Variants in GPC3 observed in about 807,000 individuals in gnomAD.
The protein encoded by GPC3 is glypican 3, also known as glypican-3.
In GPC3, 3 loss-of-function variants were observed where a neutral mutation model predicts 34.4. The ratio of observed to expected loss-of-function variants is 0.09; its 90% CI spans 0.04 to 0.23. GPC3 has a LOEUF of 0.23. Among genes scored for constraint, GPC3 ranks in the 10% least tolerant of loss-of-function variants. The pLI, the probability that GPC3 is intolerant of heterozygous loss-of-function variation, is 1.00. For synonymous variants in GPC3, 177 were observed against 174.0 expected, an observed-to-expected ratio of 1.02 and a Z score of -0.13; for missense variants, 351 against 445.6, an observed-to-expected ratio of 0.79 and a Z score of 1.91.
At chrX:133,539,694 T>C (rs896879698) in intron 7 of GPC3, among the ~76,000 whole-genome samples, 8 of 112,258 alleles carry the variant, frequency 7.1e-5, no homozygotes, top group Non-Finnish European at 5.6e-5. Flanking sequence ...GCTGCAGGTT[T>C]CCTGAGGCTC....
intron 2 of GPC3, among the ~76,000 whole-genome samples, chrX:133,910,132 C>A (rs1216113695): frequency 1.8e-5 from 2 of 110,909 alleles, no homozygotes; most frequent in Admixed American, 1.9e-4. Flanking sequence ...ATCCATGACA[C>A]CCATTCCATT....
chrX:133,803,697 A>G (rs1243151618), intron 2 of GPC3, among the ~76,000 whole-genome samples: 1 of 111,551 alleles, frequency 9.0e-6, no homozygotes, highest in Non-Finnish European at 1.9e-5. Context: ...CCAAAAGTCA[A>G]CCTCAAATAG....
At chrX:133,609,667 A>G (rs2070088683) in intron 6 of GPC3, among the ~76,000 whole-genome samples, 1 of 112,264 alleles carries the variant, frequency 8.9e-6, no homozygotes, top group African/African-American at 3.2e-5. Context: ...AGATTCTCTC[A>G]ATTTTAGCTT....
intron 2 of GPC3, among the ~76,000 whole-genome samples, chrX:133,872,370 C>T (rs1319294736): frequency 9.0e-6 from 1 of 111,568 alleles, no homozygotes; most frequent in Non-Finnish European, 1.9e-5. Flanking sequence ...CTGTAAGCAT[C>T]TTGATGTCAC....
At chrX:133,642,488 C>T (rs1312991188) in intron 6 of GPC3, among the ~76,000 whole-genome samples, 4 of 110,848 alleles carry the variant, frequency 3.6e-5, no homozygotes, top group Non-Finnish European at 7.6e-5. Flanking sequence ...TAAATGCATA[C>T]AGGCCAGGCG....
intron 3 of GPC3, among the ~76,000 whole-genome samples, chrX:133,728,803 T>C (rs921083938): frequency 8.9e-6 from 1 of 112,499 alleles, no homozygotes; most frequent in Non-Finnish European, 1.9e-5. Flanking sequence ...AGCTGTGCAT[T>C]AGCTTTTCCA....
At chrX:133,661,454 G>A (rs935580828) in intron 6 of GPC3, among the ~76,000 whole-genome samples, 1 of 110,742 alleles carries the variant, frequency 9.0e-6, no homozygotes, top group Non-Finnish European at 1.9e-5. Context: ...AAAGTGGGGT[G>A]AAAAATAAGG....
At position 133,863,820 on chromosome X, in the gene GPC3, T is replaced by A. The variant is rs1374363524; in HGVS notation, c.337+89230A>T. Among the ~76,000 whole-genome samples the A allele has an allele frequency of 3.0e-5, 3 of 98,508 alleles. No individual in the cohort carries two copies. The East Asian group carries it at 9.4e-4, about 31-fold the overall frequency. The allele number at this position is 98,508 out of a possible 115,157, so 85.5% of individuals were successfully genotyped here. A position where few individuals can be genotyped will look rare whatever the true frequency, so the allele number is the denominator to read the frequency against. ...ACAGGCGCCCGCCACCGCGCCCGGC[T>A]AATTTTTTGTATTTTTAGTAGAGAC... On this transcript the variant is annotated intron_variant, in intron 2 of 7. Transcript: ENST00000370818.
intron 7 of GPC3, among the ~76,000 whole-genome samples, chrX:133,589,911 G>A (rs2069830446): frequency 9.0e-6 from 1 of 111,412 alleles, no homozygotes; most frequent in Non-Finnish European, 1.9e-5. Flanking sequence ...ATGGTTTGAT[G>A]AATGTTTGTG....
intron 2 of GPC3, among the ~76,000 whole-genome samples, chrX:133,857,925 G>A (rs1049198723): frequency 8.9e-6 from 1 of 112,069 alleles, no homozygotes; most frequent in African/African-American, 3.2e-5. Flanking sequence ...ATAAAAGGGG[G>A]AAGGAGGAGC....
At chrX:133,904,997 T>C (rs781548415) in intron 2 of GPC3, among the ~76,000 whole-genome samples, 8 of 112,145 alleles carry the variant, frequency 7.1e-5, no homozygotes, top group Non-Finnish European at 5.6e-5. Context: ...GAAAGCAAAT[T>C]TACCACATCG....
At chrX:133,720,633 C>A (rs931718511) in intron 3 of GPC3, among the ~76,000 whole-genome samples, 1 of 111,672 alleles carries the variant, frequency 9.0e-6, no homozygotes, top group African/African-American at 3.3e-5. Flanking sequence ...TGAAAACAAA[C>A]TAATACAATG....
chrX:133,943,796 T>C (rs1355282085), intron 2 of GPC3, among the ~76,000 whole-genome samples: 1 of 111,588 alleles, frequency 9.0e-6, no homozygotes. Context: ...GGGAAGAGCC[T>C]AGGTCATGCT....
At chrX:133,778,808 A>G (rs1250179952) in intron 2 of GPC3, among the ~76,000 whole-genome samples, 1 of 111,646 alleles carries the variant, frequency 9.0e-6, no homozygotes, top group African/African-American at 3.3e-5. Flanking sequence ...TTCAAATACC[A>G]AGACATTTGG....
At chrX:133,661,490 C>G (rs1038430206) in intron 6 of GPC3, among the ~76,000 whole-genome samples, 2 of 109,138 alleles carry the variant, frequency 1.8e-5, no homozygotes, top group Admixed American at 2.0e-4. Flanking sequence ...AGCAGACAGA[C>G]TATTTGAAGA....
At chrX:133,921,513 A>G (rs1201054589) in intron 2 of GPC3, among the ~76,000 whole-genome samples, 1 of 112,540 alleles carries the variant, frequency 8.9e-6, no homozygotes, top group Non-Finnish European at 1.9e-5. Flanking sequence ...AGACAGGCTG[A>G]GTAACTTGAC....
intron 2 of GPC3, among the ~76,000 whole-genome samples, chrX:133,861,782 A>G (rs1323146605): frequency 9.0e-6 from 1 of 111,031 alleles, no homozygotes; most frequent in Non-Finnish European, 1.9e-5. Context: ...TGCTCTGGCC[A>G]TGTGATGTGC....
chrX:133,597,155 C>T (rs1167832110), intron 6 of GPC3, among the ~76,000 whole-genome samples: 5 of 112,009 alleles, frequency 4.5e-5, no homozygotes, highest in Non-Finnish European at 9.4e-5. Flanking sequence ...TCCTCTCCCG[C>T]AATTCCAATA....
In GPC3 at chrX:133,606,564, G is replaced by C. The variant is rs186752359; in HGVS notation, c.1414-9965C>G. Among the ~76,000 whole-genome samples the C allele has an allele frequency of 1.7e-3, 188 of 111,633 alleles. 1 individual carries two copies. The highest frequency in any genetic ancestry group is 5.8e-3 in the African/African-American group (180 of 30,783). Reference sequence around the variant, plus strand: ...AGCCTTCTGAGTAGCTAGGACTACAGGTGCATGCCACCATGCCTGAATACT... The same window carrying C: ...AGCCTTCTGAGTAGCTAGGACTACACGTGCATGCCACCATGCCTGAATACT... On this transcript the variant is annotated intron_variant, in intron 6 of 7. Transcript: ENST00000370818.
Sources: gnomAD v4.1 joint callset for allele counts (sites outside exome capture counted in the v4.1 genomes callset) on GRCh38, gnomAD v4.1.1 for gene constraint, MANE v1.5 for transcripts, NCBI Gene and HGNC (gene_info 2026-07-23, HGNC 2026-07-21) for gene names.